PHKA2: variants seen among roughly 807,000 people sequenced by gnomAD.
PHKA2 encodes phosphorylase kinase regulatory subunit alpha 2.
A neutral mutation model predicts 102.0 loss-of-function variants in PHKA2; 31 were observed. The observed-to-expected ratio is 0.30, with a 90% confidence interval of 0.23 to 0.41. PHKA2 has a LOEUF of 0.41. Ranked by LOEUF, PHKA2 falls within the 10% of genes least tolerant of loss-of-function variation. PHKA2 has a pLI of 1.00. For synonymous variants in PHKA2, 455 were observed against 416.2 expected (o/e 1.09, Z -1.13); for missense variants, 858 against 1,023.1 (o/e 0.84, Z 2.20).
In PHKA2 at chrX:18,901,554, C is replaced by CTCG; in HGVS notation, c.2955_2957dup (p.His985_Glu986insAsp). On this transcript the variant is annotated inframe_insertion, in exon 27 of 33. Transcript: ENST00000379942. ...TTTTGGTGACTCCGGTATGGCCCAC[C>CTCG]TCGTGGATGGAGATGGTAGGGCTGG... The CTCG allele has an allele frequency of 8.3e-7, 1 of 1,205,765 alleles. No homozygotes were observed. Among genetic ancestry groups the CTCG allele is most frequent in the East Asian group, 3.0e-5 (1 of 33,823 alleles).
At chrX:18,938,006 G>A (rs1569317637) in intron 10 of PHKA2, among the ~76,000 whole-genome samples, 1 of 112,173 alleles carries the variant, frequency 8.9e-6, no homozygotes, top group Non-Finnish European at 1.9e-5. Context: ...TGTCTGTGAT[G>A]GAATGTTCTT....
At chrX:18,934,146 T>A (rs769673610) in intron 11 of PHKA2, among the ~76,000 whole-genome samples, 1 of 112,102 alleles carries the variant, frequency 8.9e-6, no homozygotes, top group East Asian at 2.8e-4. Context: ...GATATGAACA[T>A]GTAGCTGCTG....
At chrX:18,979,230 T>C (rs1195265595) in intron 1 of PHKA2, among the ~76,000 whole-genome samples, 1 of 112,557 alleles carries the variant, frequency 8.9e-6, no homozygotes, top group Non-Finnish European at 1.9e-5. Context: ...TACTTAATTA[T>C]ATCTTTTTTA....
At position 18,938,687 on chromosome X, in the gene PHKA2, C is replaced by G; in HGVS notation, c.981G>C (p.Glu327Asp). 8.3e-7 allele frequency: 1 copy of G among 1,202,177 alleles called. No homozygotes were observed. Among genetic ancestry groups the G allele is most frequent in the Non-Finnish European group, 1.1e-6 (1 of 886,362 alleles). Residue 327 changes from glutamate (E) to aspartate (D), a missense_variant, in exon 10 of 33, where the codon GAG becomes GAC. Coordinates refer to ENST00000379942, the MANE Select transcript of PHKA2 (RefSeq NM_000292.3). ...TAAAATATGTCCAAAACACAGGCCACTCACATTCAATGTTTTCGAAGAGCT... is the reference window on the plus strand; with the variant it reads ...TAAAATATGTCCAAAACACAGGCCAGTCACATTCAATGTTTTCGAAGAGCT... ...ELKLFENIEC[E>D]WPVFWTYFII...
At chrX:18,908,475 T>C (rs977342096) in intron 21 of PHKA2, among the ~76,000 whole-genome samples, 1 of 112,370 alleles carries the variant, frequency 8.9e-6, no homozygotes, top group Admixed American at 9.4e-5. Context: ...TTTCCCCCAA[T>C]TCCTATGTTG....
chrX:18,918,060 C>T (rs1251554442), intron 19 of PHKA2, among the ~76,000 whole-genome samples: 1 of 111,114 alleles, frequency 9.0e-6, no homozygotes, highest in Non-Finnish European at 1.9e-5. Context: ...CCCAGGATGA[C>T]ACATATGCAA....
Position 18,906,998 on chromosome X carries a change from C to A in PHKA2, c.2597+20G>T. 8.5e-7 allele frequency: 1 copy of A among 1,176,645 alleles called. No homozygotes were observed. The highest frequency in any genetic ancestry group is 1.1e-6 in the Non-Finnish European group (1 of 870,298). ...CATGGCTCCCCCGCAAACCTGAGGT[C>A]CCCAAGGCTGAGGACTTACGCAGAG... On this transcript the variant is annotated intron_variant, in intron 23 of 32. Transcript: ENST00000379942.
rs1225920889 is a variant in PHKA2 at position 18,951,243 on chromosome X, A to T, written c.315T>A (p.Thr105=). Reference sequence around the variant, plus strand: ...CGTGCAGGCTGTCCTTGGTGCTCTGAGTGTGTTTGAACTTCTCCACTTTGG... The same window carrying T: ...CGTGCAGGCTGTCCTTGGTGCTCTGTGTGTGTTTGAACTTCTCCACTTTGG... ...QVAKVEKFKH[T]QSTKDSLHAK... The change falls in exon 4 of 33, where the codon ACT becomes ACA. Residue 105 remains threonine (T), a synonymous_variant. Transcript: ENST00000379942. 5 of 1,211,210 alleles carry T rather than the reference A, an allele frequency of 4.1e-6. No individual in the cohort carries two copies. The highest frequency in any genetic ancestry group is 5.6e-6 in the Non-Finnish European group (5 of 895,281).
chrX:18,899,929 G>A (rs1280980676), intron 28 of PHKA2, among the ~76,000 whole-genome samples: 3 of 111,762 alleles, frequency 2.7e-5, no homozygotes, highest in Non-Finnish European at 3.8e-5. Flanking sequence ...CTTCATCCCC[G>A]TAACACGCAA....
intron 1 of PHKA2, among the ~76,000 whole-genome samples, chrX:18,958,825 T>G (rs1467832968): frequency 9.0e-6 from 1 of 111,331 alleles, no homozygotes; most frequent in Non-Finnish European, 1.9e-5. Flanking sequence ...TTCTCCTGCC[T>G]CAGTCACTCG....
chrX:18,945,775 A>G (rs1393182418), intron 5 of PHKA2, among the ~76,000 whole-genome samples: 1 of 111,372 alleles, frequency 9.0e-6, no homozygotes, highest in Non-Finnish European at 1.9e-5. Context: ...CTAATGTATA[A>G]TTCATATTTT....
intron 1 of PHKA2, among the ~76,000 whole-genome samples, chrX:18,960,242 G>A (rs1479295810): frequency 8.9e-6 from 1 of 112,019 alleles, no homozygotes; most frequent in African/African-American, 3.2e-5. Flanking sequence ...ACCCCTGGCC[G>A]GCTGTGGTTC....
intron 11 of PHKA2, among the ~76,000 whole-genome samples, chrX:18,933,105 C>T (rs1476078191): frequency 2.8e-5 from 3 of 106,503 alleles, no homozygotes; most frequent in East Asian, 6.0e-4. Flanking sequence ...CAGAGTGAGA[C>T]TCTGTCTCAA....
chrX:18,910,462 G>T (rs1176287775), intron 20 of PHKA2, among the ~76,000 whole-genome samples: 9 of 111,833 alleles, frequency 8.0e-5, no homozygotes. Flanking sequence ...CTGGGTGACA[G>T]AGCGAGACTC....
At chrX:18,941,361 C>T (rs942119847) in intron 8 of PHKA2, among the ~76,000 whole-genome samples, 168 bp downstream of exon 8, 19 of 111,624 alleles carry the variant, frequency 1.7e-4, no homozygotes, top group Non-Finnish European at 2.1e-4. Flanking sequence ...AACCAAGCCA[C>T]TAAATCACTC....
chrX:18,972,768 T>C (rs1310711278), intron 1 of PHKA2, among the ~76,000 whole-genome samples: 1 of 111,701 alleles, frequency 9.0e-6, no homozygotes. Context: ...TCCAGTCACT[T>C]TGGGTTTTCT....
At chrX:18,954,215 T>C in intron 2 of PHKA2, 39 bp downstream of exon 2, 2 of 1,200,044 alleles carry the variant, frequency 1.7e-6, no homozygotes, top group Non-Finnish European at 2.3e-6. Context: ...AAGGAGAAGG[T>C]GGCTGAGCAG....
intron 30 of PHKA2, chrX:18,895,704 A>G (rs1015658575): frequency 2.4e-5 from 3 of 123,413 alleles, no homozygotes; most frequent in Non-Finnish European, 3.4e-5. Flanking sequence ...ATGCTTTTTC[A>G]TAATAGAAAT....
chrX:18,977,609 A>G (rs982432832), intron 1 of PHKA2, among the ~76,000 whole-genome samples: 78 of 111,078 alleles, frequency 7.0e-4, no homozygotes, highest in African/African-American at 2.5e-3. Flanking sequence ...AAATTGCTAT[A>G]TTTTTCTTAG....
Sources: gnomAD v4.1 joint callset for allele counts (sites outside exome capture counted in the v4.1 genomes callset) on GRCh38, gnomAD v4.1.1 for gene constraint, MANE v1.5 for transcripts, NCBI Gene and HGNC (gene_info 2026-07-23, HGNC 2026-07-21) for gene names.